ADCY5: variants seen among roughly 807,000 people sequenced by gnomAD.
ADCY5 encodes the protein adenylate cyclase 5.
In ADCY5, 30 loss-of-function variants were observed where a neutral mutation model predicts 119.7. The ratio of observed to expected loss-of-function variants is 0.25; its 90% CI spans 0.19 to 0.34. The LOEUF (loss-of-function observed/expected upper bound fraction) is 0.34, where lower values mean the gene tolerates loss of function less well. Among genes scored for constraint, ADCY5 ranks in the 10% least tolerant of loss-of-function variants. ADCY5 has a pLI of 1.00. For missense variants in ADCY5, 1,324 were observed against 1,775.2 expected (o/e 0.75, Z 4.57); for synonymous variants, 753 against 762.2 (o/e 0.99, Z 0.20).
intron 1 of ADCY5, among the ~76,000 whole-genome samples, chr3:123,389,171 GT>G (rs1944326236): frequency 6.6e-6 from 1 of 152,140 alleles, no homozygotes; most frequent in African/African-American, 2.4e-5. Context: ...GGCTTATGAC[GT>G]CCTCAATGAG....
chr3:123,390,590 T>C (rs1436622643), intron 1 of ADCY5, among the ~76,000 whole-genome samples: 1 of 152,192 alleles, frequency 6.6e-6, no homozygotes, highest in African/African-American at 2.4e-5. Context: ...CAAAGGAAGA[T>C]AAAAAGTTGC....
chr3:123,406,516 A>T (rs1944905773), intron 1 of ADCY5, among the ~76,000 whole-genome samples: 1 of 152,234 alleles, frequency 6.6e-6, no homozygotes, highest in South Asian at 2.1e-4. Flanking sequence ...GCAGTCACAG[A>T]GATTATTGTC....
chr3:123,349,424 C>A (rs982712783), intron 2 of ADCY5, among the ~76,000 whole-genome samples: 1 of 152,200 alleles, frequency 6.6e-6, no homozygotes, highest in African/African-American at 2.4e-5. Flanking sequence ...TCCTCCACTG[C>A]CCACATGCAG....
intron 1 of ADCY5, among the ~76,000 whole-genome samples, chr3:123,384,924 C>T (rs192077145): frequency 6.6e-6 from 1 of 152,208 alleles, no homozygotes; most frequent in Admixed American, 6.5e-5. Flanking sequence ...GAGGACCAGC[C>T]CTTCAGTCTC....
At chr3:123,302,169 T>C (rs759530180) in intron 14 of ADCY5, among the ~76,000 whole-genome samples, 3 of 152,152 alleles carry the variant, frequency 2.0e-5, no homozygotes, top group African/African-American at 7.2e-5. Context: ...TGTGCACCCA[T>C]AGGGAGCTGG....
chr3:123,439,791 A>G (rs1258466187), intron 1 of ADCY5, among the ~76,000 whole-genome samples: 4 of 152,234 alleles, frequency 2.6e-5, no homozygotes, highest in African/African-American at 9.6e-5. Context: ...CATGGCCTAG[A>G]CAGTGCCTAT....
At chr3:123,348,713 C>T (rs182947429) in intron 2 of ADCY5, among the ~76,000 whole-genome samples, 10 of 152,278 alleles carry the variant, frequency 6.6e-5, no homozygotes, top group African/African-American at 1.9e-4. Context: ...CAGCCTGTTA[C>T]GGAGTCTGGA....
chr3:123,319,683 T>C lies in ADCY5; in HGVS notation c.2247A>G (p.Leu749=). The change falls in exon 10 of 21, where the codon TTA becomes TTG. Residue 749 remains leucine (L), a synonymous_variant. Transcript: ENST00000462833. ...ACCCAGGGTGCTGTACCTTCTTCTC[T>C]AAGTCAGGCTCCCTGAAGGTCAGGA... The part of the protein sequence containing the change: ...KFLLTFREPD[L]EKKYSKQVDD... 6.2e-7 allele frequency: 1 copy of C among 1,614,184 alleles called. No homozygotes were observed. Among genetic ancestry groups the C allele is most frequent in the Non-Finnish European group, 8.5e-7 (1 of 1,180,026 alleles).
At chr3:123,438,233 GA>G (rs750787027) in intron 1 of ADCY5, among the ~76,000 whole-genome samples, 28 of 152,136 alleles carry the variant, frequency 1.8e-4, no homozygotes, top group Non-Finnish European at 3.4e-4. Flanking sequence ...AAATGTGTTT[GA>G]AAAAGGCTTC....
At position 123,289,942 on chromosome 3, in the gene ADCY5, C is replaced by A; in HGVS notation, c.3340G>T (p.Asp1114Tyr). 6.2e-7 allele frequency: 1 copy of A among 1,614,168 alleles called. No homozygotes were observed. Among genetic ancestry groups the A allele is most frequent in the Non-Finnish European group, 8.5e-7 (1 of 1,180,012 alleles). ...IADFDEIISE[D>Y]RFRQLEKIKT... is the part of the protein sequence containing the mutation. Reference sequence around the variant, plus strand: ...ATCTTCTCCAGCTGCCGGAACCGATCCTCGCTGATGATCTGGATGAAGGAG... The same window carrying A: ...ATCTTCTCCAGCTGCCGGAACCGATACTCGCTGATGATCTGGATGAAGGAG... The change falls in exon 19 of 21, where the codon GAT (aspartate) becomes TAT (tyrosine). Residue 1114 changes from aspartate to tyrosine, a missense_variant. Asp to Tyr is a radical substitution (Grantham distance 160, BLOSUM62 -3). This residue lies in a region of ADCY5 where 178 missense variants were observed against 329.6 expected (regional missense o/e 0.54). Transcript: ENST00000462833.
intron 1 of ADCY5, among the ~76,000 whole-genome samples, chr3:123,406,579 G>C (rs950671763): frequency 6.6e-6 from 1 of 152,228 alleles, no homozygotes; most frequent in Non-Finnish European, 1.5e-5. Context: ...AGAGAGTGAA[G>C]AGGAGAGGAA....
chr3:123,447,822 G>A lies in ADCY5; in HGVS notation c.724C>T (p.Leu242Phe), dbSNP rs751557661. Residue 242 changes from leucine to phenylalanine, a missense_variant, in exon 1 of 21, where the codon CTC becomes TTC. Coordinates refer to ENST00000462833, the MANE Select transcript of ADCY5 (RefSeq NM_183357.3). ...ACCAGCACGGCCATGAGCATGGTGA[G>A]GCTGCTCTGGTTCAGGCGGAAGAAG... is the stretch of plus-strand genomic sequence containing the variant. ...RYFFRLNQSS[L>F]TMLMAVLVLV... is the part of the protein sequence containing the mutation. 1.2e-6 allele frequency: 2 copies of A among 1,612,866 alleles called. No homozygotes were observed. The highest frequency in any genetic ancestry group is 1.3e-5 in the African/African-American group (1 of 75,042).
At position 123,448,367 on chromosome 3, in the gene ADCY5, G is replaced by A. The variant is rs1022376951; in HGVS notation, c.179C>T (p.Ala60Val). 6 of 1,487,216 alleles carry A rather than the reference G, an allele frequency of 4.0e-6. No homozygotes were observed. Among genetic ancestry groups the A allele is most frequent in the Non-Finnish European group, 5.3e-6 (6 of 1,129,806 alleles). The allele number at this position is 1,487,216 out of a possible 1,614,324, so 92.1% of individuals were successfully genotyped here. A position where few individuals can be genotyped will look rare whatever the true frequency, so the allele number is the denominator to read the frequency against. Residue 60 changes from alanine to valine, a missense_variant, in exon 1 of 21, where the codon GCG becomes GTG. Transcript: ENST00000462833. ...ARGSTKKPGG[A>V]VTPQQQQRLA... ...GCGCTGCTGCTGCTGCGGGGTCACC[G>A]CCCCCCCGGGTTTCTTGGTGGAGCC...
intron 1 of ADCY5, among the ~76,000 whole-genome samples, chr3:123,441,627 T>C (rs1945723625): frequency 1.3e-5 from 2 of 152,220 alleles, no homozygotes; most frequent in Admixed American, 1.3e-4. Context: ...AATAACACCT[T>C]GCCCTTCGCG....
chr3:123,296,298 G>C, intron 16 of ADCY5, 82 bp from the exon 17 acceptor site: 1 of 1,475,324 alleles, frequency 6.8e-7, no homozygotes, highest in Admixed American at 1.9e-5. Context: ...ACCCACTGCT[G>C]GCCCTGTTTT....
intron 12 of ADCY5, among the ~76,000 whole-genome samples, chr3:123,308,742 T>C (rs1427466919): frequency 6.6e-6 from 1 of 152,158 alleles, no homozygotes; most frequent in Non-Finnish European, 1.5e-5. Flanking sequence ...GGTAGGAGAA[T>C]GGCGTGAACC....
In ADCY5 at chr3:123,284,545, C is replaced by A. The variant is rs965375655; in HGVS notation, c.*63G>T. 2 of 1,602,224 alleles carry A rather than the reference C, an allele frequency of 1.2e-6. No homozygotes were observed. The highest frequency in any genetic ancestry group is 1.7e-5 in the Admixed American group (1 of 59,694). ...CATGGCTTCCCCGCCACCCCCGGCA[C>A]ACAGAGAAGCTGCTTCCATGCCTCT... On this transcript the variant is annotated 3_prime_UTR_variant, in exon 21 of 21. Transcript: ENST00000462833.
chr3:123,299,813 C>T (rs1367545012), intron 15 of ADCY5, among the ~76,000 whole-genome samples: 1 of 152,256 alleles, frequency 6.6e-6, no homozygotes, highest in East Asian at 1.9e-4. Context: ...CTCTGCTGGA[C>T]CGTGACTCCT....
rs201570023 is a variant in ADCY5 at position 123,289,969 on chromosome 3, C to A, written c.3328-15G>T. 118 of 1,613,170 alleles carry A rather than the reference C, an allele frequency of 7.3e-5. No homozygotes were observed. Among genetic ancestry groups the A allele is most frequent in the Non-Finnish European group, 9.8e-5 (116 of 1,179,594 alleles). ...TCGCTGATGATCTGGATGAAGGAGG[C>A]CAAACCTGGGTCACCCCAAGCCTGG... On this transcript the variant is annotated splice_polypyrimidine_tract_variant and intron_variant, in intron 18 of 20. Transcript: ENST00000462833.
Sources: gnomAD v4.1 joint callset for allele counts (sites outside exome capture counted in the v4.1 genomes callset) on GRCh38, gnomAD v4.1.1 for gene constraint, gnomAD v4.1.1 regional missense constraint, MANE v1.5 for transcripts, NCBI Gene and HGNC (gene_info 2026-07-23, HGNC 2026-07-21) for gene names.